The following CABYR variants were observed in gnomAD, a reference collection of about 807,000 sequenced individuals.
CABYR encodes calcium-binding tyrosine phosphorylation-regulated protein.
A neutral mutation model predicts 36.1 loss-of-function variants in CABYR; 31 were observed. The ratio of observed to expected loss-of-function variants is 0.86; its 90% CI spans 0.64 to 1.16. The LOEUF (loss-of-function observed/expected upper bound fraction) is 1.16, where lower values mean the gene tolerates loss of function less well. Ranked by LOEUF, CABYR falls within the 50% of genes most tolerant of loss-of-function variation. The probability of loss-of-function intolerance (pLI) is 0.00; values close to 1 mark genes in which losing one functional copy is unlikely to be tolerated. For synonymous variants in CABYR, 146 were observed against 160.7 expected, an observed-to-expected ratio of 0.91 and a Z score of 0.69; for missense variants, 429 against 455.8, an observed-to-expected ratio of 0.94 and a Z score of 0.53.
Position 24,154,564 on chromosome 18 carries a change from C to T in CABYR, c.200-1137C>T, listed in dbSNP as rs115408034. 3.5e-3 allele frequency among the ~76,000 whole-genome samples: 532 copies of T among 152,354 alleles called. 2 individuals carry two copies. Among genetic ancestry groups the T allele is most frequent in the African/African-American group, 0.012 (486 of 41,576 alleles). ...ATGTCAAAGGAGACACTGCAGGACA[C>T]TATTTTTCAGAATGCAGCTGAACCT... On this transcript the variant is annotated intron_variant, in intron 3 of 5. Transcript: ENST00000399496.
Position 24,143,122 on chromosome 18 carries a change from C to A in CABYR, c.8C>A (p.Ser3Tyr). 6.3e-7 allele frequency: 1 copy of A among 1,599,030 alleles called. No individual in the cohort carries two copies. The highest frequency in any genetic ancestry group is 1.3e-5 in the African/African-American group (1 of 74,226). Reference sequence around the variant, plus strand: ...TACAGACATCCTGCCAAAATGATTTCTTCAAAGCCCAGACTTGTCGTACCC... The same window carrying A: ...TACAGACATCCTGCCAAAATGATTTATTCAAAGCCCAGACTTGTCGTACCC... MI[S>Y]SKPRLVVPYG... Residue 3 changes from serine to tyrosine, a missense_variant, in exon 2 of 6, where the codon TCT (serine) becomes TAT (tyrosine). Transcript: ENST00000399496.
In CABYR at chr18:24,155,887, C is replaced by T. The variant is rs1028381093; in HGVS notation, c.386C>T (p.Pro129Leu). The change falls in exon 4 of 6, where the codon CCA becomes CTA. Residue 129 changes from proline to leucine, a missense_variant. Pro to Leu is a moderately conservative substitution (Grantham distance 98, BLOSUM62 -3). Transcript: ENST00000399496. ...CAGTTTCCATCAGTTTATGCTGTGC[C>T]AGGCACTGAGCAAACGGAAGCAGTT... ...TTQFPSVYAVPGTEQTEAVGG... is the reference protein window; with the variant it reads ...TTQFPSVYAVLGTEQTEAVGG... 3.7e-5 allele frequency: 60 copies of T among 1,614,044 alleles called. No homozygotes were observed. Among genetic ancestry groups the T allele is most frequent in the Non-Finnish European group, 4.8e-5 (57 of 1,180,040 alleles).
chr18:24,150,599 G>C (rs1389360534), intron 3 of CABYR: 1 of 982,732 alleles, frequency 1.0e-6, no homozygotes. Context: ...GAGGAAGAGG[G>C]GAGAAACTAA....
At chr18:24,158,292 C>T (rs964486564) in intron 4 of CABYR, among the ~76,000 whole-genome samples, 1 of 146,850 alleles carries the variant, frequency 6.8e-6, no homozygotes, top group Admixed American at 6.8e-5. Context: ...GGAAAAATGG[C>T]CACTTAATCA....
chr18:24,157,879 C>T (rs541288821), intron 4 of CABYR, among the ~76,000 whole-genome samples: 2 of 152,238 alleles, frequency 1.3e-5, no homozygotes, highest in East Asian at 3.9e-4. Context: ...CATGAGCCAA[C>T]CCCCCATTCC....
At chr18:24,147,364 G>A (rs557323986) in intron 3 of CABYR, among the ~76,000 whole-genome samples, 1 of 151,046 alleles carries the variant, frequency 6.6e-6, no homozygotes, top group South Asian at 2.1e-4. Flanking sequence ...TTGACCCATT[G>A]TACCCAATGG....
intron 4 of CABYR, chr18:24,156,683 T>G (rs747159205): frequency 6.2e-7 from 1 of 1,614,128 alleles, no homozygotes; most frequent in South Asian, 1.1e-5. Context: ...CTTTGAAAGG[T>G]CAGCCTGAGG....
intron 3 of CABYR, among the ~76,000 whole-genome samples, chr18:24,150,308 C>A (rs2085586723): frequency 2.0e-5 from 3 of 152,196 alleles, no homozygotes; most frequent in African/African-American, 7.2e-5. Flanking sequence ...AATGGCTGTT[C>A]TCCCTCAAAC....
chr18:24,155,226 G>T (rs575805710), intron 3 of CABYR, among the ~76,000 whole-genome samples: 2 of 151,798 alleles, frequency 1.3e-5, no homozygotes, highest in African/African-American at 4.8e-5. Context: ...TTTTTCCATG[G>T]AGGTTTTCAG....
rs1357986394 is a variant in CABYR, at chr18:24,143,107, C to T, written c.-8C>T. The T allele has an allele frequency of 6.3e-7, 1 of 1,589,012 alleles. No individual in the cohort carries two copies. Among genetic ancestry groups the T allele is most frequent in the South Asian group, 1.2e-5 (1 of 85,146 alleles). ...TCATTCTAGTTGAGTTACAGACATCCTGCCAAAATGATTTCTTCAAAGCCC... is the reference window on the plus strand; with the variant it reads ...TCATTCTAGTTGAGTTACAGACATCTTGCCAAAATGATTTCTTCAAAGCCC... On this transcript the variant is annotated 5_prime_UTR_variant, in exon 2 of 6. Coordinates refer to ENST00000399496, the MANE Select transcript of CABYR (RefSeq NM_153769.3).
intron 4 of CABYR, among the ~76,000 whole-genome samples, chr18:24,157,866 G>A (rs1393816428): frequency 1.3e-5 from 2 of 152,172 alleles, no homozygotes; most frequent in African/African-American, 2.4e-5. Flanking sequence ...CAGAAGGGAC[G>A]TGCATGAGCC....
chr18:24,159,696 A>G lies in CABYR; in HGVS notation c.766A>G (p.Ser256Gly), dbSNP rs1341867671. 1.2e-6 allele frequency: 2 copies of G among 1,613,994 alleles called. No homozygotes were observed. Among genetic ancestry groups the G allele is most frequent in the African/African-American group, 2.7e-5 (2 of 74,892 alleles). ...TYVMGDTKKT[S>G]APPFILVGSN... ...TGTGATGGGCGACACCAAGAAGACC[A>G]GTGCCCCACCTTTTATCTTAGTAGG... Residue 256 changes from serine (S) to glycine (G), a missense_variant, in exon 5 of 6, where the codon AGT becomes GGT. Transcript: ENST00000399496.
intron 3 of CABYR, among the ~76,000 whole-genome samples, chr18:24,148,160 T>C (rs1012012852): frequency 1.3e-5 from 2 of 152,194 alleles, no homozygotes; most frequent in Non-Finnish European, 2.9e-5. Context: ...AGGAGGCTGA[T>C]ACAATTTATG....
chr18:24,144,886 G>C (rs773874556), intron 3 of CABYR, among the ~76,000 whole-genome samples: 4 of 152,234 alleles, frequency 2.6e-5, no homozygotes, highest in Non-Finnish European at 5.9e-5. Context: ...ATCAGTTAGA[G>C]AAAGTAATAC....
Position 24,156,047 on chromosome 18 carries a change from A to G in CABYR, c.541+5A>G. ...AGCTTGCTGCTCAGATGTTAGGTAAAGTTTCATCTATTCATTCTGATCAAT... is the reference window on the plus strand; with the variant it reads ...AGCTTGCTGCTCAGATGTTAGGTAAGGTTTCATCTATTCATTCTGATCAAT... On this transcript the variant is annotated splice_donor_5th_base_variant and intron_variant, in intron 4 of 5. Transcript: ENST00000399496. The G allele has an allele frequency of 6.2e-7, 1 of 1,614,176 alleles. No homozygotes were observed. Among genetic ancestry groups the G allele is most frequent in the East Asian group, 2.2e-5 (1 of 44,884 alleles).
intron 3 of CABYR, among the ~76,000 whole-genome samples, chr18:24,144,498 T>C (rs1354964462): frequency 6.6e-6 from 1 of 152,186 alleles, no homozygotes; most frequent in Non-Finnish European, 1.5e-5. Flanking sequence ...GCGTGATGGC[T>C]CATGCCTGTA....
chr18:24,149,167 T>C (rs2145865214), intron 3 of CABYR, among the ~76,000 whole-genome samples: 1 of 152,014 alleles, frequency 6.6e-6, no homozygotes, highest in South Asian at 2.1e-4. Flanking sequence ...ATACAGAGTG[T>C]CGATTGGTGC....
chr18:24,139,846 CCA>C (rs975349401), intron 1 of CABYR: 1 of 152,126 alleles, frequency 6.6e-6, no homozygotes, highest in African/African-American at 2.4e-5. Context: ...GCCGCTGTCC[CCA>C]CCTTTGGTAG....
chr18:24,139,322 C>A (rs1167862061), intron 1 of CABYR, among the ~76,000 whole-genome samples: 1 of 152,050 alleles, frequency 6.6e-6, no homozygotes, highest in Non-Finnish European at 1.5e-5. Context: ...TCGGTGGGTC[C>A]GTCGCCCGCC....
Sources: gnomAD v4.1 joint callset for allele counts (sites outside exome capture counted in the v4.1 genomes callset) on GRCh38, gnomAD v4.1.1 for gene constraint, MANE v1.5 for transcripts, NCBI Gene and HGNC (gene_info 2026-07-23, HGNC 2026-07-21) for gene names.